Variants in FBXO31 observed in about 807,000 individuals in gnomAD.
The protein encoded by FBXO31 is F-box protein 31.
In FBXO31, 24 loss-of-function variants were observed where a neutral mutation model predicts 54.4. The ratio of observed to expected loss-of-function variants is 0.44; its 90% CI spans 0.32 to 0.62. The LOEUF (loss-of-function observed/expected upper bound fraction) is 0.62. Among genes scored for constraint, FBXO31 ranks in the 20% least tolerant of loss-of-function variants. The pLI, the probability that FBXO31 is intolerant of heterozygous loss-of-function variation, is 0.05. For missense variants in FBXO31, 665 were observed against 787.1 expected (o/e 0.84, Z 1.86); for synonymous variants, 388 against 335.6 (o/e 1.16, Z -1.71).
chr16:87,350,267 G>A (rs1442559661), intron 2 of FBXO31, among the ~76,000 whole-genome samples: 4 of 152,156 alleles, frequency 2.6e-5, no homozygotes, highest in African/African-American at 4.8e-5. Context: ...CTAAGGCACA[G>A]GGAGTAAGAA....
intron 1 of FBXO31, among the ~76,000 whole-genome samples, chr16:87,373,488 C>T (rs1053125653): frequency 6.6e-6 from 1 of 151,592 alleles, no homozygotes; most frequent in Non-Finnish European, 1.5e-5. Context: ...TATACACACA[C>T]ATACATACCT....
intron 8 of FBXO31, 60 bp downstream of exon 8, chr16:87,333,826 G>C (rs1259621189): frequency 6.5e-7 from 1 of 1,531,946 alleles, no homozygotes; most frequent in East Asian, 2.3e-5. Flanking sequence ...GTGGGGCTGG[G>C]GCCCTCGCTG....
At chr16:87,343,479 C>T (rs1039294651) in intron 4 of FBXO31, 119 bp downstream of exon 4, 26 of 1,260,520 alleles carry the variant, frequency 2.1e-5, no homozygotes, top group Non-Finnish European at 2.8e-5. Context: ...GAGCCTCCCT[C>T]CCACCCGCCG....
At chr16:87,352,999 G>A (rs1046043718) in intron 2 of FBXO31, among the ~76,000 whole-genome samples, 2 of 152,172 alleles carry the variant, frequency 1.3e-5, no homozygotes, top group Non-Finnish European at 2.9e-5. Flanking sequence ...TTTTGTGGGT[G>A]GATGCCCCTC....
At chr16:87,331,532 A>G in intron 8 of FBXO31, 22 bp from the exon 9 acceptor site, 1 of 1,572,540 alleles carries the variant, frequency 6.4e-7, no homozygotes, top group Non-Finnish European at 8.7e-7. Context: ...CAAGAGGGAA[A>G]CTGTGAGCTG....
chr16:87,368,658 G>A (rs1597375412), intron 1 of FBXO31, among the ~76,000 whole-genome samples: 2 of 149,198 alleles, frequency 1.3e-5, no homozygotes, highest in East Asian at 3.9e-4. Context: ...ATAAGAGGAA[G>A]TGTGCTGGGT....
intron 1 of FBXO31, among the ~76,000 whole-genome samples, chr16:87,381,636 AG>A (rs1374584954): frequency 3.3e-5 from 5 of 152,236 alleles, no homozygotes; most frequent in Non-Finnish European, 7.3e-5. Flanking sequence ...CTTCTCATGC[AG>A]ACCTCCTTGG....
rs1289180636 is a variant in FBXO31 at position 87,327,139 on chromosome 16, G to A, written c.*4149C>T. 1 of 152,520 alleles carries A rather than the reference G, an allele frequency of 6.6e-6. No individual in the cohort carries two copies. The highest frequency in any genetic ancestry group is 1.5e-5 in the Non-Finnish European group (1 of 68,270). The allele number at this position is 152,520 out of a possible 1,614,324, so 9.4% of individuals were successfully genotyped here. ...CAAGGTCACCTTACCAGGGGGTGCA[G>A]AGGTGCTCATGATCAGATGGCACAG... On this transcript the variant is annotated 3_prime_UTR_variant, in exon 9 of 9. Coordinates refer to ENST00000311635, the MANE Select transcript of FBXO31 (RefSeq NM_024735.5).
intron 5 of FBXO31, among the ~76,000 whole-genome samples, chr16:87,337,825 TA>T (rs35518535): frequency 0.4 from 58,366 of 146,466 alleles, 11,784 homozygotes; most frequent in African/African-American, 0.47. Context: ...AAACTTCTAT[TA>T]AAAAAAAAAA....
rs945255848 is a variant in FBXO31 at position 87,358,124 on chromosome 16, C to T, written c.412+2171G>A. Among the ~76,000 whole-genome samples, 1 of 152,148 alleles carries T rather than the reference C, an allele frequency of 6.6e-6. No individual in the cohort carries two copies. Among genetic ancestry groups the T allele is most frequent in the Admixed American group, 6.5e-5 (1 of 15,286 alleles). On this transcript the variant is annotated intron_variant, in intron 2 of 8. Coordinates refer to ENST00000311635, the MANE Select transcript of FBXO31 (RefSeq NM_024735.5). The surrounding 1 kb of genome is among the most constrained non-coding windows in gnomAD (Gnocchi z 4.0). ...GTGTCTGCAGTAGCTCCTCAATAAA[C>T]GATACATGTGAAAATGTGCATTAAA... is the stretch of plus-strand genomic sequence containing the variant.
upstream of FBXO31, chr16:87,383,999 A>C (rs1488149672): frequency 1.4e-5 from 3 of 221,706 alleles, no homozygotes; most frequent in Admixed American, 5.7e-5. The surrounding 1 kb of genome is among the most constrained non-coding windows in gnomAD (Gnocchi z 4.9). Context: ...GAAAGTGGTG[A>C]TGCCGAGTGC....
chr16:87,349,044 G>C (rs1275974852), intron 2 of FBXO31, among the ~76,000 whole-genome samples: 1 of 152,128 alleles, frequency 6.6e-6, no homozygotes, highest in Non-Finnish European at 1.5e-5. Flanking sequence ...TTCATACATG[G>C]GGAGAAAACA....
chr16:87,342,974 AAAGAG>A, intron 4 of FBXO31, 23 bp from the exon 5 acceptor site: 2 of 1,589,718 alleles, frequency 1.3e-6, no homozygotes, highest in Non-Finnish European at 1.7e-6. Flanking sequence ...CAACACAAGG[AAAGAG>A]AAGAGTGAGG....
chr16:87,335,211 C>A lies in FBXO31; in HGVS notation c.996+93G>T. ...AGCCCACTCTGAGGAGCAAGGGTGC[C>A]GGGGATCAGTGTCTGCCCAAGTTCC... On this transcript the variant is annotated intron_variant, in intron 7 of 8. Coordinates refer to ENST00000311635, the MANE Select transcript of FBXO31 (RefSeq NM_024735.5). The surrounding 1 kb of genome is among the most constrained non-coding windows in gnomAD (Gnocchi z 5.7). 4.5e-6 allele frequency: 7 copies of A among 1,562,206 alleles called. No homozygotes were observed. The highest frequency in any genetic ancestry group is 6.1e-6 in the Non-Finnish European group (7 of 1,147,890).
rs551667403 is a variant in FBXO31 at position 87,346,250 on chromosome 16, G to A, written c.489+924C>T. Among the ~76,000 whole-genome samples the A allele has an allele frequency of 2.0e-5, 3 of 152,130 alleles. No individual in the cohort carries two copies. The highest frequency in any genetic ancestry group is 2.1e-4 in the South Asian group (1 of 4,800). ...CAGGTGCCCTGACTCCACTTTGCCC[G>A]CAGGCCGGGGCCAGGGCCTCTTGAG... On this transcript the variant is annotated intron_variant, in intron 3 of 8. Coordinates refer to ENST00000311635, the MANE Select transcript of FBXO31 (RefSeq NM_024735.5). This position sits in a 1 kb window ranked among gnomAD's most constrained non-coding sequence, Gnocchi z 4.2.
At chr16:87,355,592 T>C (rs1310727563) in intron 2 of FBXO31, among the ~76,000 whole-genome samples, 1 of 152,248 alleles carries the variant, frequency 6.6e-6, no homozygotes, top group East Asian at 1.9e-4. Flanking sequence ...TTTCAAGTTT[T>C]CTACAATGAC....
upstream of FBXO31, chr16:87,383,792 C>A: frequency 1.7e-6 from 2 of 1,153,646 alleles, no homozygotes; most frequent in African/African-American, 1.6e-5. The surrounding 1 kb of genome is among the most constrained non-coding windows in gnomAD (Gnocchi z 4.9). Context: ...CGCTCCAGCG[C>A]GGCCCCGCCC....
intron 2 of FBXO31, among the ~76,000 whole-genome samples, chr16:87,354,891 C>T (rs997441786): frequency 3.9e-5 from 6 of 152,208 alleles, no homozygotes; most frequent in East Asian, 1.9e-4. Context: ...TCACTTGAAC[C>T]GGGAGGTGGA....
chr16:87,341,919 A>C (rs771404945), intron 5 of FBXO31, among the ~76,000 whole-genome samples: 2 of 151,624 alleles, frequency 1.3e-5, no homozygotes, highest in Non-Finnish European at 2.9e-5. Context: ...TAGCTAAGAA[A>C]AGCACACCCT....
Sources: allele counts gnomAD v4.1 joint callset (sites outside exome capture counted in the v4.1 genomes callset), GRCh38; gene constraint gnomAD v4.1.1; non-coding constraint Gnocchi (gnomAD v3.1); transcripts MANE v1.5; gene names NCBI Gene and HGNC (gene_info 2026-07-23, HGNC 2026-07-21).